ZFYVE16: variants seen among roughly 807,000 people sequenced by gnomAD.
ZFYVE16 encodes the protein zinc finger FYVE domain-containing protein 16.
In ZFYVE16, 89 loss-of-function variants were observed where a neutral mutation model predicts 138.1. The observed-to-expected ratio is 0.64, with a 90% CI of 0.54 to 0.77. The LOEUF (loss-of-function observed/expected upper bound fraction) is 0.77. ZFYVE16 is among the 30% of genes least tolerant of loss of function. ZFYVE16 has a pLI of 0.00. For missense variants in ZFYVE16, 1,793 were observed against 1,786.7 expected (o/e 1.00, Z -0.06); for synonymous variants, 596 against 618.3 (o/e 0.96, Z 0.53).
intron 1 of ZFYVE16, among the ~76,000 whole-genome samples, chr5:80,418,734 G>A (rs1454935963): frequency 6.6e-6 from 1 of 152,200 alleles, no homozygotes; most frequent in Admixed American, 6.5e-5. Flanking sequence ...TCTCTTAACA[G>A]TATCTTTTGC....
At chr5:80,424,580 G>C (rs1487041417) in intron 1 of ZFYVE16, among the ~76,000 whole-genome samples, 2 of 151,618 alleles carry the variant, frequency 1.3e-5, no homozygotes, top group Non-Finnish European at 2.9e-5. Context: ...TCCTGCCTCA[G>C]TTACCTAAGT....
Position 80,415,918 on chromosome 5 carries a change from A to T in ZFYVE16, c.-94+7765A>T, listed in dbSNP as rs149700540. Reference sequence around the variant, plus strand: ...CTTGACCTTGTGATCTGCCCGCCTCAGCCTCCCAAAGTGCTGGGATTACAG... The same window carrying T: ...CTTGACCTTGTGATCTGCCCGCCTCTGCCTCCCAAAGTGCTGGGATTACAG... On this transcript the variant is annotated intron_variant, in intron 1 of 18. Transcript: ENST00000505560. 9.5e-3 allele frequency among the ~76,000 whole-genome samples: 1,453 copies of T among 152,206 alleles called. 12 individuals carry two copies. The highest frequency in any genetic ancestry group is 0.015 in the Non-Finnish European group (989 of 68,022).
rs1750485344 is a variant in ZFYVE16, at chr5:80,439,979, A to G, written c.2366A>G (p.Tyr789Cys). The G allele has an allele frequency of 6.2e-7, 1 of 1,611,570 alleles. No individual in the cohort carries two copies. Among genetic ancestry groups the G allele is most frequent in the Non-Finnish European group, 8.5e-7 (1 of 1,178,720 alleles). ...TGTAATAGGAAGTGTAAACTGCAAT[A>G]TCTAGAAAAGGAAGCAAGAGTATGT... ...VCCNRKCKLQ[Y>C]LEKEARVCVV... The change falls in exon 5 of 19, where the codon TAT becomes TGT. Residue 789 changes from tyrosine to cysteine, a missense_variant. Physicochemically the swap from Tyr to Cys is radical, Grantham distance 194. Coordinates refer to ENST00000505560, the MANE Select transcript of ZFYVE16 (RefSeq NM_001284236.3).
intron 15 of ZFYVE16, among the ~76,000 whole-genome samples, chr5:80,465,391 C>CTTTTTTTTTTTTTTTTTTTTTT (rs1561325159): frequency 2.9e-5 from 1 of 33,932 alleles, no homozygotes. Context: ...TTTTTTTTTC[C>CTTTTTTTTTTTTTTTTTTTTTT]TTTTCTTTGT....
Position 80,416,049 on chromosome 5 carries a change from CT to C in ZFYVE16, c.-94+7903del, listed in dbSNP as rs1561225716. Among the ~76,000 whole-genome samples the C allele has an allele frequency of 3.3e-5, 5 of 152,208 alleles. No individual in the cohort carries two copies. In the South Asian group the frequency reaches 1.0e-3, roughly 32 times the overall value. On this transcript the variant is annotated intron_variant, in intron 1 of 18. Transcript: ENST00000505560. Reference sequence around the variant, plus strand: ...TTCTTCACTTTGAAGTTAGTATTTTCTTTTTTTCTCCCTTTCTGTATTCTTT... The same window carrying C: ...TTCTTCACTTTGAAGTTAGTATTTTCTTTTTTCTCCCTTTCTGTATTCTTT...
At chr5:80,417,829 G>A (rs1243300641) in intron 1 of ZFYVE16, among the ~76,000 whole-genome samples, 2 of 152,210 alleles carry the variant, frequency 1.3e-5, no homozygotes, top group East Asian at 3.9e-4. Flanking sequence ...AATCAGATGA[G>A]TAAATACCTA....
Position 80,436,932 on chromosome 5 carries a change from A to G in ZFYVE16, c.247A>G (p.Lys83Glu). 2 of 1,614,152 alleles carry G rather than the reference A, an allele frequency of 1.2e-6. No homozygotes were observed. The highest frequency in any genetic ancestry group is 8.5e-7 in the Non-Finnish European group (1 of 1,180,020). The change falls in exon 4 of 19, where the codon AAA (lysine) becomes GAA (glutamate). Residue 83 changes from lysine (K) to glutamate (E), a missense_variant. This residue lies in a region of ZFYVE16 where 1,295 missense variants were observed against 1,204.3 expected (regional missense o/e 1.08). Coordinates refer to ENST00000505560, the MANE Select transcript of ZFYVE16 (RefSeq NM_001284236.3). ...AACAAATGAGAGTTCCCTGAATGAA[A>G]AAACACTCAAGGGACTTACTTCTAT... ...YGTNESSLNE[K>E]TLKGLTSIQN...
chr5:80,451,201 G>A (rs986697424), intron 10 of ZFYVE16, among the ~76,000 whole-genome samples: 4 of 152,076 alleles, frequency 2.6e-5, no homozygotes, highest in African/African-American at 4.8e-5. Context: ...TGACCATGCC[G>A]TAAGGAGAAA....
At chr5:80,451,443 C>T (rs76624314) in intron 10 of ZFYVE16, 42 bp from the exon 11 acceptor site, 47,035 of 1,499,158 alleles carry the variant, frequency 0.031, 875 homozygotes, top group South Asian at 0.053. Flanking sequence ...AAAACAATAA[C>T]AAAACAACTT....
Position 80,437,000 on chromosome 5 carries a change from T to A in ZFYVE16, c.315T>A (p.Ser105=). The change falls in exon 4 of 19, where the codon TCT becomes TCA. Residue 105 remains serine (S), a synonymous_variant. Coordinates refer to ENST00000505560, the MANE Select transcript of ZFYVE16 (RefSeq NM_001284236.3). ...KNVTGLDLLS[S]VDGGTSDEIQ... ...TAACAGGACTTGATCTTCTTTCTTC[T>A]GTGGATGGTGGTACTTCAGATGAAA... The A allele has an allele frequency of 6.2e-7, 1 of 1,614,186 alleles. No individual in the cohort carries two copies. The highest frequency in any genetic ancestry group is 8.5e-7 in the Non-Finnish European group (1 of 1,180,022).
intron 15 of ZFYVE16, among the ~76,000 whole-genome samples, chr5:80,465,661 G>A (rs921124266): frequency 4.6e-5 from 7 of 151,116 alleles, no homozygotes; most frequent in African/African-American, 1.5e-4. Flanking sequence ...CTCCTGCCTC[G>A]CCCTCCCAAA....
rs1043460131 is a variant in ZFYVE16, at chr5:80,477,096, T to C, written c.4462-123T>C. On this transcript the variant is annotated intron_variant, in intron 18 of 18. Transcript: ENST00000505560. ...GGAGAATGTAGAATTTTTTTATAAA[T>C]ATATCAAATATTTTATTTAACATGC... 7.8e-6 allele frequency: 6 copies of C among 766,430 alleles called. No individual in the cohort carries two copies. The Admixed American group carries it at 1.5e-4, about 19-fold the overall frequency. 47.5% of individuals were successfully genotyped at this position (766,430 alleles called of 1,614,324 possible).
rs1195875335 is a variant in ZFYVE16 at position 80,482,631 on chromosome 5, A to C, written c.*5254A>C. On this transcript the variant is annotated 3_prime_UTR_variant, in exon 19 of 19. Coordinates refer to ENST00000505560, the MANE Select transcript of ZFYVE16 (RefSeq NM_001284236.3). The stretch of plus-strand genomic sequence containing the variant: ...AACCACACCCAGGCACGTCATAATC[A>C]AAGTGATGAAACCAACTGTAAAGAA... The C allele has an allele frequency of 2.0e-5, 3 of 152,240 alleles. No homozygotes were observed. The highest frequency in any genetic ancestry group is 4.4e-5 in the Non-Finnish European group (3 of 68,046). The allele number at this position is 152,240 out of a possible 1,614,324, so 9.4% of individuals were successfully genotyped here. A position where few individuals can be genotyped will look rare whatever the true frequency, so the allele number is the denominator to read the frequency against.
Position 80,444,397 on chromosome 5 carries a change from A to G in ZFYVE16, c.2582-866A>G, listed in dbSNP as rs539336842. ...GCAAAAAATATGTATATATAATTCA[A>G]ATTTTTTCAGAGTTATCTTTATGAT... On this transcript the variant is annotated intron_variant, in intron 6 of 18. Transcript: ENST00000505560. Among the ~76,000 whole-genome samples the G allele has an allele frequency of 2.5e-4, 38 of 152,112 alleles. 1 individual carries two copies. The South Asian group carries it at 2.7e-3, about 11-fold the overall frequency.
chr5:80,427,064 C>G (rs1311737415), intron 1 of ZFYVE16, among the ~76,000 whole-genome samples: 1 of 132,520 alleles, frequency 7.5e-6, no homozygotes, highest in Non-Finnish European at 1.6e-5. Context: ...TTTCCTTTTT[C>G]TGGAGAATGG....
At position 80,437,925 on chromosome 5, in the gene ZFYVE16, C is replaced by CA; in HGVS notation, c.1241dup (p.His414GlnfsTer2). 6.2e-7 allele frequency: 1 copy of CA among 1,613,910 alleles called. No homozygotes were observed. The highest frequency in any genetic ancestry group is 8.5e-7 in the Non-Finnish European group (1 of 1,179,926). ...TAATATACAAGATGCAGTGACTATACATGAAGAAATACAGAACAGTGTTGT... is the reference window on the plus strand; with the variant it reads ...TAATATACAAGATGCAGTGACTATACAATGAAGAAATACAGAACAGTGTTGT... On this transcript the variant is annotated frameshift_variant, in exon 4 of 19. Coordinates refer to ENST00000505560, the MANE Select transcript of ZFYVE16 (RefSeq NM_001284236.3). LOFTEE classifies it high-confidence loss of function.
intron 1 of ZFYVE16, among the ~76,000 whole-genome samples, chr5:80,413,414 TGA>T (rs1487847240): frequency 6.9e-6 from 1 of 145,672 alleles, no homozygotes; most frequent in Non-Finnish European, 1.5e-5. Flanking sequence ...GAGGTTGCAG[TGA>T]GCTGAGATCG....
At chr5:80,415,675 CTTTTT>C (rs797020395) in intron 1 of ZFYVE16, among the ~76,000 whole-genome samples, 1 of 149,126 alleles carries the variant, frequency 6.7e-6, no homozygotes, top group Non-Finnish European at 1.5e-5. Flanking sequence ...TGCCACTTTT[CTTTTT>C]TTTTTGAGAT....
rs942268975 is a variant in ZFYVE16 at position 80,423,359 on chromosome 5, G to T, written c.-93-4133G>T. Among the ~76,000 whole-genome samples, 14 of 152,106 alleles carry T rather than the reference G, an allele frequency of 9.2e-5. No individual in the cohort carries two copies. The East Asian group carries it at 1.4e-3, about 15-fold the overall frequency. ...TATCTTTTTTGTATCCGTGGCATCA[G>T]TAGTGATGACTCCTCTTTTATTTTT... On this transcript the variant is annotated intron_variant, in intron 1 of 18. Transcript: ENST00000505560.
Sources: gnomAD v4.1 joint callset for allele counts (sites outside exome capture counted in the v4.1 genomes callset) on GRCh38, gnomAD v4.1.1 for gene constraint, gnomAD v4.1.1 regional missense constraint, MANE v1.5 for transcripts, NCBI Gene and HGNC (gene_info 2026-07-23, HGNC 2026-07-21) for gene names.